RSAD2: variants seen among roughly 807,000 people sequenced by gnomAD.
The protein encoded by RSAD2 is radical S-adenosyl methionine domain containing 2, also known as S-adenosylmethionine-dependent nucleotide dehydratase RSAD2.
Under a neutral mutation model 37.7 loss-of-function variants are expected in RSAD2, and 38 were observed. The ratio of observed to expected loss-of-function variants is 1.01; its 90% CI spans 0.78 to 1.32. The LOEUF is 1.32. RSAD2 is among the 40% of genes most tolerant of loss of function. The pLI, the probability that RSAD2 is intolerant of heterozygous loss-of-function variation, is 0.00. For missense variants in RSAD2, 428 were observed against 437.5 expected, an observed-to-expected ratio of 0.98 and a Z score of 0.19; for synonymous variants, 163 against 157.4, an observed-to-expected ratio of 1.04 and a Z score of -0.27.
chr2:6,878,939 A>G (rs1558334287), intron 1 of RSAD2: 2 of 862,600 alleles, frequency 2.3e-6, no homozygotes, highest in Middle Eastern at 5.2e-4. Context: ...GTGCACCCTG[A>G]TGAATTTCAC....
chr2:6,877,813 A>T lies in RSAD2; in HGVS notation c.13A>T (p.Thr5Ser). The change falls in exon 1 of 6, where the codon ACA becomes TCA. Residue 5 changes from threonine (T) to serine (S), a missense_variant. Thr to Ser is a moderately conservative substitution (Grantham distance 58, BLOSUM62 1). Coordinates refer to ENST00000382040, the MANE Select transcript of RSAD2 (RefSeq NM_080657.5). The part of the protein sequence containing the change: MWVL[T>S]PAAFAGKLLS... Reference sequence around the variant, plus strand: ...GGCATCTGCCACAATGTGGGTGCTTACACCTGCTGCTTTTGCTGGGAAGCT... The same window carrying T: ...GGCATCTGCCACAATGTGGGTGCTTTCACCTGCTGCTTTTGCTGGGAAGCT... 1 of 1,613,648 alleles carries T rather than the reference A, an allele frequency of 6.2e-7. No individual in the cohort carries two copies. The highest frequency in any genetic ancestry group is 8.5e-7 in the Non-Finnish European group (1 of 1,179,766).
chr2:6,888,895 G>T (rs1663574071), intron 3 of RSAD2, among the ~76,000 whole-genome samples: 1 of 152,192 alleles, frequency 6.6e-6, no homozygotes, highest in Non-Finnish European at 1.5e-5. Context: ...GCTGGAAGGT[G>T]TCACCAGCCG....
At chr2:6,876,542 A>G (rs1391892988), upstream of RSAD2, among the ~76,000 whole-genome samples, 1 of 152,256 alleles carries the variant, frequency 6.6e-6, no homozygotes, top group Non-Finnish European at 1.5e-5. Context: ...TCAATTGTGC[A>G]AGACCATGGC....
chr2:6,882,894 T>C (rs1663442883), intron 1 of RSAD2, among the ~76,000 whole-genome samples: 1 of 152,230 alleles, frequency 6.6e-6, no homozygotes, highest in Admixed American at 6.5e-5. Flanking sequence ...ATACAAGTCA[T>C]CACTTTAATT....
At chr2:6,883,837 A>G (rs577542689) in intron 2 of RSAD2, 1 of 279,952 alleles carries the variant, frequency 3.6e-6, no homozygotes, top group East Asian at 7.6e-5. Flanking sequence ...ACTAGGTAGG[A>G]AAATTAACAC....
intron 5 of RSAD2, 33 bp downstream of exon 5, chr2:6,893,736 CTTAA>C (rs774069831): frequency 1.0e-5 from 15 of 1,470,674 alleles, no homozygotes; most frequent in African/African-American, 9.7e-5. Flanking sequence ...AAAATTAAAA[CTTAA>C]TTAATTAATT....
At chr2:6,881,068 T>C (rs1401052353) in intron 1 of RSAD2, among the ~76,000 whole-genome samples, 1 of 152,162 alleles carries the variant, frequency 6.6e-6, no homozygotes, top group Non-Finnish European at 1.5e-5. Context: ...TTCCTTCCCT[T>C]TTGTTATTCT....
chr2:6,877,087 A>AG (rs1663295502), upstream of RSAD2: 1 of 152,248 alleles, frequency 6.6e-6, no homozygotes, highest in South Asian at 2.1e-4. Context: ...GATGTGTCGC[A>AG]GTAATTCTCA....
At position 6,898,014 on chromosome 2, in the gene RSAD2, A is replaced by G. The variant is rs1354410567; in HGVS notation, c.*2072A>G. 1 of 151,362 alleles carries G rather than the reference A, an allele frequency of 6.6e-6. No individual in the cohort carries two copies. The highest frequency in any genetic ancestry group is 6.6e-5 in the Admixed American group (1 of 15,166). The allele number at this position is 151,362 out of a possible 1,614,324, so 9.4% of individuals were successfully genotyped here. A position where few individuals can be genotyped will look rare whatever the true frequency, so the allele number is the denominator to read the frequency against. On this transcript the variant is annotated 3_prime_UTR_variant, in exon 6 of 6. Coordinates refer to ENST00000382040, the MANE Select transcript of RSAD2 (RefSeq NM_080657.5). ...CGTCTCAAAAAAAAAAAAAAAAAAAAGCAAGAGAGTTCAACTAAGAAAGGT... is the reference window on the plus strand; with the variant it reads ...CGTCTCAAAAAAAAAAAAAAAAAAAGGCAAGAGAGTTCAACTAAGAAAGGT...
chr2:6,872,498 C>T (rs1178240047), intron 1 of RSAD2, among the ~76,000 whole-genome samples: 1 of 152,018 alleles, frequency 6.6e-6, no homozygotes, highest in Non-Finnish European at 1.5e-5. Flanking sequence ...GGGCAGAGGG[C>T]ATTCTGTTTG....
At chr2:6,877,582 C>A, upstream of RSAD2, 1 of 560,986 alleles carries the variant, frequency 1.8e-6, no homozygotes, top group Non-Finnish European at 3.2e-6. Flanking sequence ...GCAGAGAAAC[C>A]AGGAATGCTC....
At chr2:6,879,275 T>C (rs530645772) in intron 1 of RSAD2, among the ~76,000 whole-genome samples, 4 of 152,194 alleles carry the variant, frequency 2.6e-5, no homozygotes, top group South Asian at 4.1e-4. Context: ...CAACTCACTG[T>C]CTCTGCTTGC....
chr2:6,873,062 C>T (rs974872564), upstream of RSAD2, among the ~76,000 whole-genome samples: 6 of 152,092 alleles, frequency 3.9e-5, no homozygotes, highest in African/African-American at 7.2e-5. Flanking sequence ...ATTCTTTTTG[C>T]GTGGCCACAA....
chr2:6,871,354 A>C (rs919635009), intron 1 of RSAD2, among the ~76,000 whole-genome samples: 2 of 152,168 alleles, frequency 1.3e-5, no homozygotes, highest in South Asian at 4.1e-4. Context: ...TTTTAAGAAA[A>C]GGTTCTAAAC....
intron 1 of RSAD2, chr2:6,879,017 A>G (rs750419134): frequency 2.1e-6 from 1 of 465,880 alleles, no homozygotes; most frequent in South Asian, 1.5e-5. Context: ...CCAGAAGTGC[A>G]TGCTGCACTC....
chr2:6,884,693 C>T (rs534802984), intron 2 of RSAD2, among the ~76,000 whole-genome samples: 1 of 152,112 alleles, frequency 6.6e-6, no homozygotes, highest in South Asian at 2.1e-4. Context: ...TAAGAAAAGA[C>T]ACTGTCAGCA....
chr2:6,885,600 C>T (rs1316869671), intron 2 of RSAD2, among the ~76,000 whole-genome samples: 1 of 152,198 alleles, frequency 6.6e-6, no homozygotes, highest in Non-Finnish European at 1.5e-5. Context: ...TCCATTAAAT[C>T]TCTCTTCCCA....
chr2:6,872,103 T>A (rs548937900), intron 1 of RSAD2, among the ~76,000 whole-genome samples: 1 of 152,158 alleles, frequency 6.6e-6, no homozygotes, highest in Non-Finnish European at 1.5e-5. Flanking sequence ...TCGGTAATGG[T>A]TATGTTTTGT....
At chr2:6,873,803 C>A (rs1200042012), upstream of RSAD2, among the ~76,000 whole-genome samples, 1 of 152,132 alleles carries the variant, frequency 6.6e-6, no homozygotes, top group Non-Finnish European at 1.5e-5. Context: ...GCTTATTTGG[C>A]AAATCATATG....
Sources: gnomAD v4.1 joint callset for allele counts (sites outside exome capture counted in the v4.1 genomes callset) on GRCh38, gnomAD v4.1.1 for gene constraint, MANE v1.5 for transcripts, NCBI Gene and HGNC (gene_info 2026-07-23, HGNC 2026-07-21) for gene names.